DGKB: variants seen among roughly 807,000 people sequenced by gnomAD.
DGKB encodes diacylglycerol kinase beta.
DGKB carries 67 observed loss-of-function variants against 114.3 expected under a neutral mutation model. The observed-to-expected ratio is 0.59, with a 90% confidence interval of 0.48 to 0.72. DGKB has a LOEUF of 0.72. DGKB is among the 30% of genes least tolerant of loss of function. DGKB has a pLI of 0.00. For synonymous variants in DGKB, 398 were observed against 323.1 expected (o/e 1.23, Z -2.49); for missense variants, 907 against 975.2 (o/e 0.93, Z 0.93).
At chr7:14,669,429 G>T (rs930796928) in intron 13 of DGKB, among the ~76,000 whole-genome samples, 6 of 152,198 alleles carry the variant, frequency 3.9e-5, no homozygotes, top group African/African-American at 1.4e-4. Flanking sequence ...TACTGCCTCA[G>T]AATCTGTTGG....
intron 1 of DGKB, among the ~76,000 whole-genome samples, chr7:14,843,358 C>G (rs1171019993): frequency 9.2e-6 from 1 of 108,378 alleles, no homozygotes; most frequent in African/African-American, 3.7e-5. Flanking sequence ...GACGGAGTCT[C>G]GCTCTGTCGC....
chr7:14,633,072 C>T (rs966640818), intron 13 of DGKB, among the ~76,000 whole-genome samples: 2 of 151,854 alleles, frequency 1.3e-5, no homozygotes, highest in African/African-American at 2.4e-5. Context: ...TGAAACCTAG[C>T]TACCACTTTG....
chr7:14,374,824 T>G (rs1304755480), intron 21 of DGKB, among the ~76,000 whole-genome samples: 1 of 152,182 alleles, frequency 6.6e-6, no homozygotes, highest in Non-Finnish European at 1.5e-5. Context: ...CTCTATCAAC[T>G]ATATGTGATT....
intron 3 of DGKB, among the ~76,000 whole-genome samples, chr7:14,755,716 T>G (rs1267934562): frequency 6.6e-6 from 1 of 152,144 alleles, no homozygotes; most frequent in African/African-American, 2.4e-5. Context: ...TCATTAGATA[T>G]TCTTAATTAT....
At chr7:14,842,795 C>T (rs1056286879) in intron 1 of DGKB, among the ~76,000 whole-genome samples, 1 of 152,138 alleles carries the variant, frequency 6.6e-6, no homozygotes, top group Non-Finnish European at 1.5e-5. Context: ...TGGAGTGATT[C>T]AATGACAGGG....
intron 2 of DGKB, among the ~76,000 whole-genome samples, chr7:14,770,181 G>C (rs1586369817): frequency 6.6e-6 from 1 of 152,020 alleles, no homozygotes; most frequent in South Asian, 2.1e-4. Flanking sequence ...GCCTTAAGTT[G>C]CAAGAAGCTG....
chr7:14,332,574 T>C (rs1462414223), intron 23 of DGKB, among the ~76,000 whole-genome samples: 2 of 152,258 alleles, frequency 1.3e-5, no homozygotes, highest in African/African-American at 4.8e-5. Context: ...GATGTTTTAC[T>C]CTATTTTTAC....
intron 1 of DGKB, among the ~76,000 whole-genome samples, chr7:14,973,633 G>C (rs1787625365): frequency 6.8e-6 from 1 of 147,400 alleles, no homozygotes. Flanking sequence ...GGTGTCTCTA[G>C]CACCAAATTA....
rs1263187818 is a variant in DGKB at position 14,542,757 on chromosome 7, G to A, written c.1770+31455C>T. ...TTTTTAACCATGTGTCTCCTGTCCCGGCAGATTGCCACTCACTTAGCAATC... is the reference window on the plus strand; with the variant it reads ...TTTTTAACCATGTGTCTCCTGTCCCAGCAGATTGCCACTCACTTAGCAATC... On this transcript the variant is annotated intron_variant, in intron 20 of 25. Transcript: ENST00000402815. Among the ~76,000 whole-genome samples, 14 of 152,086 alleles carry A rather than the reference G, an allele frequency of 9.2e-5. 1 individual carries two copies. The highest frequency in any genetic ancestry group is 8.5e-4 in the Admixed American group (13 of 15,260).
intron 23 of DGKB, among the ~76,000 whole-genome samples, chr7:14,279,311 G>A (rs1487171643): frequency 1.3e-5 from 2 of 152,172 alleles, no homozygotes; most frequent in African/African-American, 2.4e-5. Context: ...GGGGAGGGGC[G>A]CCCACCATTG....
At chr7:14,191,242 G>T (rs562148896) in intron 23 of DGKB, 1 of 157,422 alleles carries the variant, frequency 6.4e-6, no homozygotes, top group Admixed American at 6.4e-5. Context: ...AACAGTTATT[G>T]TTAACAAAAT....
At chr7:14,366,826 A>C (rs1816755576) in intron 21 of DGKB, among the ~76,000 whole-genome samples, 1 of 152,182 alleles carries the variant, frequency 6.6e-6, no homozygotes, top group African/African-American at 2.4e-5. Context: ...TTTTCTCTGC[A>C]AAGGAACATA....
Position 14,392,995 on chromosome 7 carries a change from G to GTTTTTGTTTTTTTTTTTTGTTTT in DGKB, c.1836-47605_1836-47604insAAAACAAAAAAAAAAAACAAAAA. Reference sequence around the variant, plus strand: ...CAAAACAGACCTGTTTTTTGTTTTTGTTTTTTTTTTTTTGAGACGGAGTCT... The same window carrying GTTTTTGTTTTTTTTTTTTGTTTT: ...CAAAACAGACCTGTTTTTTGTTTTTGTTTTTGTTTTTTTTTTTTGTTTTTTTTTTTTTTTTTGAGACGGAGTCT... On this transcript the variant is annotated intron_variant, in intron 21 of 25. Coordinates refer to ENST00000402815, the MANE Select transcript of DGKB (RefSeq NM_001350709.2). Among the ~76,000 whole-genome samples, 232 of 60,546 alleles carry GTTTTTGTTTTTTTTTTTTGTTTT rather than the reference G, an allele frequency of 3.8e-3. 56 individuals carry two copies. The highest frequency in any genetic ancestry group is 6.0e-3 in the Non-Finnish European group (175 of 29,030). 39.7% of individuals were successfully genotyped at this position (60,546 alleles called of 152,430 possible).
chr7:14,205,649 T>G (rs1385524431), intron 23 of DGKB, among the ~76,000 whole-genome samples: 1 of 151,956 alleles, frequency 6.6e-6, no homozygotes, highest in Non-Finnish European at 1.5e-5. Flanking sequence ...CTTATAAACC[T>G]TTTCACCTTT....
chr7:14,152,413 C>T (rs1782353590), intron 25 of DGKB, among the ~76,000 whole-genome samples: 2 of 152,012 alleles, frequency 1.3e-5, no homozygotes, highest in African/African-American at 2.4e-5. Flanking sequence ...ACAGTGGTGA[C>T]GGGGCTCCTA....
chr7:14,582,981 G>C, intron 18 of DGKB, 71 bp downstream of exon 18: 2 of 965,484 alleles, frequency 2.1e-6, no homozygotes, highest in South Asian at 2.7e-5. Flanking sequence ...ACAAGCAATA[G>C]ACACATAGAT....
chr7:14,174,230 A>T (rs1781404531), intron 25 of DGKB, among the ~76,000 whole-genome samples: 1 of 152,182 alleles, frequency 6.6e-6, no homozygotes, highest in African/African-American at 2.4e-5. Flanking sequence ...CTGGAGTCAG[A>T]CTACCTGGGT....
At chr7:14,895,441 G>C (rs549735695) in intron 1 of DGKB, among the ~76,000 whole-genome samples, 1 of 151,642 alleles carries the variant, frequency 6.6e-6, no homozygotes, top group Non-Finnish European at 1.5e-5. Flanking sequence ...CCTGAAACCA[G>C]CTTGTTCTCC....
chr7:14,772,417 C>T (rs1380561656), intron 2 of DGKB, among the ~76,000 whole-genome samples: 1 of 152,036 alleles, frequency 6.6e-6, no homozygotes, highest in Admixed American at 6.6e-5. Flanking sequence ...GAGAACTACA[C>T]AAAACAGATA....
Sources: gnomAD v4.1 joint callset for allele counts (sites outside exome capture counted in the v4.1 genomes callset) on GRCh38, gnomAD v4.1.1 for gene constraint, MANE v1.5 for transcripts, NCBI Gene and HGNC (gene_info 2026-07-23, HGNC 2026-07-21) for gene names.